GOSR2: variants seen among roughly 807,000 people sequenced by gnomAD.
The protein encoded by GOSR2 is golgi SNAP receptor complex member 2.
A neutral mutation model predicts 27.9 loss-of-function variants in GOSR2; 20 were observed. That is an observed-to-expected ratio of 0.72 (90% CI 0.50 to 1.04). GOSR2 has a LOEUF of 1.04. Among genes scored for constraint, GOSR2 ranks in the 50% least tolerant of loss-of-function variants. The probability of loss-of-function intolerance (pLI) is 0.00; values close to 1 mark genes in which losing one functional copy is unlikely to be tolerated. For synonymous variants in GOSR2, 91 were observed against 98.8 expected (o/e 0.92, Z 0.47); for missense variants, 261 against 270.5 (o/e 0.97, Z 0.25).
Position 46,931,160 on chromosome 17 carries a change from G to T in GOSR2, c.156G>T (p.Glu52Asp). 1 of 1,611,414 alleles carries T rather than the reference G, an allele frequency of 6.2e-7. No homozygotes were observed. Among genetic ancestry groups the T allele is most frequent in the Non-Finnish European group, 8.5e-7 (1 of 1,177,512 alleles). Residue 52 changes from glutamate (E) to aspartate (D), a missense_variant, in exon 3 of 6, where the codon GAG becomes GAT. Glu to Asp is a conservative substitution (Grantham distance 45). Transcript: ENST00000640051. ...DQIFSRLERL[E>D]ILSSKEPPNK... ...TATTCAGCCGTCTAGAACGTCTGGAGATTTTGTCCAGCAAGGAGCCCCCTA... is the reference window on the plus strand; with the variant it reads ...TATTCAGCCGTCTAGAACGTCTGGATATTTTGTCCAGCAAGGAGCCCCCTA...
rs535191147 is a variant in GOSR2 at position 46,931,178 on chromosome 17, G to A, written c.174G>A (p.Glu58=). The A allele has an allele frequency of 1.2e-6, 2 of 1,600,200 alleles. No homozygotes were observed. Among genetic ancestry groups the A allele is most frequent in the Non-Finnish European group, 1.7e-6 (2 of 1,167,252 alleles). Residue 58 remains glutamate (E), a synonymous_variant, in exon 3 of 6, where the codon GAG becomes GAA. Transcript: ENST00000640051. The part of the protein sequence containing the change: ...LERLEILSSK[E]PPNKRQNARL... ...GTCTGGAGATTTTGTCCAGCAAGGA[G>A]CCCCCTAACAAAAGGCAAAATGCCA...
At chr17:46,937,525 C>T (rs2088598660) in intron 5 of GOSR2, 1 of 152,170 alleles carries the variant, frequency 6.6e-6, no homozygotes. Flanking sequence ...GCCTTTGTAA[C>T]TCACACTCCC....
At chr17:46,937,357 A>G (rs2088568877) in intron 5 of GOSR2, 1 of 152,226 alleles carries the variant, frequency 6.6e-6, no homozygotes, top group South Asian at 2.1e-4. Flanking sequence ...ATCAATGATT[A>G]TTGGAACTAG....
Position 46,939,933 on chromosome 17 carries a change from C to T in GOSR2, c.*1173C>T, listed in dbSNP as rs2089020788. 1.6e-5 allele frequency: 16 copies of T among 1,000,612 alleles called. No homozygotes were observed. Among genetic ancestry groups the T allele is most frequent in the African/African-American group, 1.7e-5 (1 of 57,516 alleles). The allele number at this position is 1,000,612 out of a possible 1,614,324, so 62.0% of individuals were successfully genotyped here. On this transcript the variant is annotated 3_prime_UTR_variant, in exon 6 of 6. Coordinates refer to ENST00000640051, the MANE Select transcript of GOSR2 (RefSeq NM_004287.5). ...AGTGTATGTTCTCATTTACCACAGG[C>T]CTACCAGCCCTGGGCACAGCAGCTT...
chr17:46,938,950 G>C lies in GOSR2; in HGVS notation c.*190G>C. ...CTGTGACATCTTGGAGGGGGAGCTA[G>C]TGCCACCACCATGCGCGGTGCTTAG... On this transcript the variant is annotated 3_prime_UTR_variant, in exon 6 of 6. Transcript: ENST00000640051. 6.7e-7 allele frequency: 1 copy of C among 1,488,480 alleles called. No homozygotes were observed. 92.2% of individuals were successfully genotyped at this position (1,488,480 alleles called of 1,614,324 possible).
At chr17:46,935,194 G>A (rs1240123804) in intron 5 of GOSR2, 25 bp downstream of exon 5, 16 of 1,613,260 alleles carry the variant, frequency 9.9e-6, no homozygotes, top group African/African-American at 1.3e-5. Context: ...GGGGGACAGA[G>A]AGAAGGCCTC....
chr17:46,973,893 C>T (rs1227413025), intron 6 of GOSR2, among the ~76,000 whole-genome samples: 3 of 152,188 alleles, frequency 2.0e-5, no homozygotes, highest in Admixed American at 6.5e-5. Flanking sequence ...CCCGCCACCT[C>T]GCATGCTCCA....
At chr17:46,929,992 T>C (rs1001297375) in intron 2 of GOSR2, 2 of 162,296 alleles carry the variant, frequency 1.2e-5, no homozygotes, top group African/African-American at 4.8e-5. Flanking sequence ...TTAATTAGTT[T>C]AGTTCCCACA....
intron 6 of GOSR2, among the ~76,000 whole-genome samples, chr17:46,948,295 G>C (rs2090072163): frequency 6.6e-6 from 1 of 152,216 alleles, no homozygotes; most frequent in Non-Finnish European, 1.5e-5. Flanking sequence ...GCACAGCCCA[G>C]GACATAGAAA....
chr17:46,924,890 G>T (rs899137705), intron 1 of GOSR2, among the ~76,000 whole-genome samples: 1 of 152,142 alleles, frequency 6.6e-6, no homozygotes. Flanking sequence ...GTTATGTATG[G>T]TCTTATCTAG....
downstream of GOSR2, among the ~76,000 whole-genome samples, chr17:46,942,291 G>A (rs2089387356): frequency 6.6e-6 from 1 of 152,240 alleles, no homozygotes; most frequent in Non-Finnish European, 1.5e-5. Context: ...TAAACAGCTT[G>A]CCTGTAGGCC....
chr17:46,941,391 T>A lies in GOSR2; in HGVS notation c.*2631T>A. ...CACATTTTGTAAAAGAATTCGATAT[T>A]CATTTTTATAACTAATGGCCCCCTT... is the stretch of plus-strand genomic sequence containing the variant. On this transcript the variant is annotated 3_prime_UTR_variant, in exon 6 of 6. Coordinates refer to ENST00000640051, the MANE Select transcript of GOSR2 (RefSeq NM_004287.5). The A allele has an allele frequency of 1.0e-6, 1 of 982,608 alleles. No individual in the cohort carries two copies. Among genetic ancestry groups the A allele is most frequent in the Non-Finnish European group, 1.2e-6 (1 of 827,376 alleles). The allele number at this position is 982,608 out of a possible 1,614,324, so 60.9% of individuals were successfully genotyped here. A position where few individuals can be genotyped will look rare whatever the true frequency, so the allele number is the denominator to read the frequency against.
chr17:46,944,606 TTTTC>T (rs2089668759), downstream of GOSR2, among the ~76,000 whole-genome samples: 1 of 118,418 alleles, frequency 8.4e-6, no homozygotes, highest in Admixed American at 8.4e-5. Flanking sequence ...GAATTTTTAA[TTTTC>T]TTTTTTTTTT....
At chr17:46,958,352 T>C (rs2090855038) in intron 6 of GOSR2, among the ~76,000 whole-genome samples, 1 of 152,156 alleles carries the variant, frequency 6.6e-6, no homozygotes, top group Admixed American at 6.5e-5. Flanking sequence ...TACCCAAAAA[T>C]CCACTCCTGA....
In GOSR2 at chr17:46,950,526, T is replaced by C. The variant is rs532922025; in HGVS notation, c.583+11822T>C. Among the ~76,000 whole-genome samples the C allele has an allele frequency of 1.5e-4, 23 of 152,262 alleles. 2 individuals are homozygous for C. In the South Asian group the frequency reaches 4.8e-3, roughly 32 times the overall value. ...CAATTAAAATAGCACCTATTGGAAA[T>C]GGAAGGGTAATTGGACCAGGCAGCT... On this transcript the variant is annotated intron_variant, in intron 6 of 6. Coordinates refer to the GOSR2 transcript ENST00000573224.
intron 1 of GOSR2, among the ~76,000 whole-genome samples, chr17:46,926,596 G>T (rs1021033368): frequency 2.0e-5 from 3 of 152,202 alleles, no homozygotes; most frequent in Admixed American, 6.5e-5. Context: ...AGTCATGCTT[G>T]TGTATCACCT....
intron 6 of GOSR2, among the ~76,000 whole-genome samples, chr17:46,973,259 A>C (rs891006461): frequency 6.6e-6 from 1 of 151,710 alleles, no homozygotes; most frequent in African/African-American, 2.4e-5. Flanking sequence ...ACACAACCAG[A>C]TGACAATCTC....
At position 46,974,987 on chromosome 17, in the gene GOSR2, C is replaced by CTTTTTTT. The variant is rs58438726; in HGVS notation, c.616-192_616-186dup. On this transcript the variant is annotated intron_variant, in intron 6 of 6. Transcript: ENST00000640723. ...CTTTTCAAATATGAATTACTATTTT[C>CTTTTTTT]TTTTTTTTTTTTTTTTTTTTTTTTT... is the stretch of plus-strand genomic sequence containing the variant. Among the ~76,000 whole-genome samples the CTTTTTTT allele has an allele frequency of 2.8e-4, 33 of 119,058 alleles. 1 individual carries two copies. The highest frequency in any genetic ancestry group is 8.3e-4 in the African/African-American group (26 of 31,298). The allele number at this position is 119,058 out of a possible 152,430, so 78.1% of individuals were successfully genotyped here.
chr17:46,948,358 G>A (rs2090077179), intron 6 of GOSR2, among the ~76,000 whole-genome samples: 1 of 152,202 alleles, frequency 6.6e-6, no homozygotes. Flanking sequence ...ATAGGACCCA[G>A]GTCTGATCCC....
Sources: gnomAD v4.1 joint callset for allele counts (sites outside exome capture counted in the v4.1 genomes callset) on GRCh38, gnomAD v4.1.1 for gene constraint, MANE v1.5 for transcripts, NCBI Gene and HGNC (gene_info 2026-07-23, HGNC 2026-07-21) for gene names.